PACRG: variants seen among roughly 807,000 people sequenced by gnomAD.
PACRG encodes the protein parkin coregulated.
Under a neutral mutation model 29.7 loss-of-function variants are expected in PACRG, and 29 were observed. The ratio of observed to expected loss-of-function variants is 0.98; its 90% confidence interval spans 0.73 to 1.33. PACRG has a LOEUF of 1.33. Among genes scored for constraint, PACRG ranks in the 40% most tolerant of loss-of-function variants. The probability of loss-of-function intolerance (pLI) is 0.00; values close to 1 mark genes in which losing one functional copy is unlikely to be tolerated. For missense variants in PACRG, 279 were observed against 316.2 expected, an observed-to-expected ratio of 0.88 and a Z score of 0.89; for synonymous variants, 116 against 118.7, an observed-to-expected ratio of 0.98 and a Z score of 0.15.
At chr6:162,889,277 A>AT (rs1442211856) in intron 2 of PACRG, among the ~76,000 whole-genome samples, 1 of 152,176 alleles carries the variant, frequency 6.6e-6, no homozygotes, top group Non-Finnish European at 1.5e-5. Context: ...TCACTGATCC[A>AT]TTAAAAAAAA....
chr6:163,146,368 C>T lies in PACRG; in HGVS notation c.613+56960C>T, dbSNP rs541170622. 7.2e-5 allele frequency among the ~76,000 whole-genome samples: 11 copies of T among 152,286 alleles called. No homozygotes were observed. In the South Asian group the frequency reaches 1.7e-3, roughly 23 times the overall value. On this transcript the variant is annotated intron_variant, in intron 4 of 4. Coordinates refer to ENST00000366888, the MANE Select transcript of PACRG (RefSeq NM_001080379.2). ...TTTCAGAATCAGAAGTCAAGTTGATCATCTGAATTATGAGTTATTCAGTCT... is the reference window on the plus strand; with the variant it reads ...TTTCAGAATCAGAAGTCAAGTTGATTATCTGAATTATGAGTTATTCAGTCT...
intron 4 of PACRG, chr6:163,111,980 T>A: frequency 2.3e-6 from 2 of 852,474 alleles, no homozygotes; most frequent in Non-Finnish European, 2.8e-6. Flanking sequence ...ACACCCAAAT[T>A]TTATTTTCTG....
At chr6:162,786,016 G>C (rs1418901746) in intron 1 of PACRG, among the ~76,000 whole-genome samples, 1 of 152,208 alleles carries the variant, frequency 6.6e-6, no homozygotes, top group Non-Finnish European at 1.5e-5. Flanking sequence ...AGGTCTTCCT[G>C]GCAGGGCCTG....
chr6:163,031,147 A>G (rs575876540), intron 2 of PACRG, among the ~76,000 whole-genome samples: 45 of 152,342 alleles, frequency 3.0e-4, no homozygotes, highest in African/African-American at 1.0e-3. Flanking sequence ...TGGAAGATTA[A>G]TAAGTACTCA....
chr6:163,289,217 G>A (rs905219126), intron 4 of PACRG, among the ~76,000 whole-genome samples: 61 of 152,298 alleles, frequency 4.0e-4, no homozygotes, highest in African/African-American at 1.4e-3. Flanking sequence ...GTCAGGACTC[G>A]CTGGTGTGCA....
chr6:163,099,727 AT>A (rs1814914935), intron 4 of PACRG, among the ~76,000 whole-genome samples: 1 of 152,218 alleles, frequency 6.6e-6, no homozygotes, highest in Non-Finnish European at 1.5e-5. Flanking sequence ...ACCACTATTC[AT>A]GCCATCGTTA....
At chr6:162,740,004 T>C (rs991717796) in intron 1 of PACRG, among the ~76,000 whole-genome samples, 1 of 152,176 alleles carries the variant, frequency 6.6e-6, no homozygotes, top group African/African-American at 2.4e-5. Context: ...AGGCTTTCTT[T>C]TGATCTTTTC....
intron 1 of PACRG, among the ~76,000 whole-genome samples, chr6:162,730,842 AT>A (rs1396971788): frequency 6.6e-6 from 1 of 152,180 alleles, no homozygotes; most frequent in Non-Finnish European, 1.5e-5. Context: ...ATAAAGAGAT[AT>A]GAGATACACA....
At chr6:162,992,557 G>C (rs1167165846) in intron 2 of PACRG, among the ~76,000 whole-genome samples, 1 of 134,018 alleles carries the variant, frequency 7.5e-6, no homozygotes, top group South Asian at 2.6e-4. Flanking sequence ...TCTGATGGTA[G>C]TTTGTATTTC....
chr6:162,793,783 T>C (rs994368264), intron 1 of PACRG, among the ~76,000 whole-genome samples: 1 of 152,198 alleles, frequency 6.6e-6, no homozygotes, highest in African/African-American at 2.4e-5. Flanking sequence ...TTATTTTACA[T>C]GTCTGATTAC....
chr6:162,987,071 C>A (rs996525282), intron 2 of PACRG, among the ~76,000 whole-genome samples: 14 of 152,024 alleles, frequency 9.2e-5, no homozygotes, highest in African/African-American at 3.4e-4. Context: ...TTAGTCTGGC[C>A]TTTTGGTGGT....
Position 162,858,972 on chromosome 6 carries a change from T to G in PACRG, c.291+44691T>G, listed in dbSNP as rs1485956632. Among the ~76,000 whole-genome samples, 7 of 152,324 alleles carry G rather than the reference T, an allele frequency of 4.6e-5. No individual in the cohort carries two copies. In the East Asian group the frequency reaches 1.4e-3, roughly 29 times the overall value. The stretch of plus-strand genomic sequence containing the variant: ...AAAGTCACAGAGACCCTCCTGCTTC[T>G]GCGGCGTTTTCCATTTTCTTGAGCT... On this transcript the variant is annotated intron_variant, in intron 2 of 4. Coordinates refer to ENST00000366888, the MANE Select transcript of PACRG (RefSeq NM_001080379.2).
At chr6:162,775,447 T>C (rs1366212592) in intron 1 of PACRG, among the ~76,000 whole-genome samples, 3 of 152,242 alleles carry the variant, frequency 2.0e-5, no homozygotes, top group Non-Finnish European at 4.4e-5. Context: ...TTGTTAATTT[T>C]AATCAATTTT....
chr6:163,058,695 G>A (rs973838124), intron 2 of PACRG, among the ~76,000 whole-genome samples: 1 of 152,172 alleles, frequency 6.6e-6, no homozygotes, highest in Non-Finnish European at 1.5e-5. Flanking sequence ...AGGAGATCGA[G>A]ACCCTCCTGG....
At chr6:163,303,730 C>A (rs1785090066) in intron 4 of PACRG, among the ~76,000 whole-genome samples, 1 of 151,884 alleles carries the variant, frequency 6.6e-6, no homozygotes, top group African/African-American at 2.4e-5. Context: ...TAAATGGGAC[C>A]AGGTGCAGTG....
At chr6:163,068,729 A>G (rs1028674048) in intron 3 of PACRG, among the ~76,000 whole-genome samples, 3 of 151,890 alleles carry the variant, frequency 2.0e-5, no homozygotes, top group Non-Finnish European at 4.4e-5. Context: ...CCTTGACTCT[A>G]TCTTCCGAAA....
At chr6:162,989,905 C>T (rs577626241) in intron 2 of PACRG, among the ~76,000 whole-genome samples, 4 of 152,000 alleles carry the variant, frequency 2.6e-5, no homozygotes, top group Admixed American at 1.3e-4. Context: ...GACCCCACCA[C>T]AGTCCCCAGA....
intron 4 of PACRG, among the ~76,000 whole-genome samples, chr6:163,293,911 C>T (rs1784697852): frequency 6.6e-6 from 1 of 152,104 alleles, no homozygotes; most frequent in Non-Finnish European, 1.5e-5. Context: ...GATACATTCT[C>T]ATAAAGTCTA....
chr6:163,031,798 T>C (rs1041448133), intron 2 of PACRG, among the ~76,000 whole-genome samples: 1 of 152,174 alleles, frequency 6.6e-6, no homozygotes, highest in African/African-American at 2.4e-5. Flanking sequence ...CCAAGATAAC[T>C]TGGGGCTCCT....
Sources: gnomAD v4.1 joint callset for allele counts (sites outside exome capture counted in the v4.1 genomes callset) on GRCh38, gnomAD v4.1.1 for gene constraint, MANE v1.5 for transcripts, NCBI Gene and HGNC (gene_info 2026-07-23, HGNC 2026-07-21) for gene names.